The following CREBRF variants were observed in gnomAD, a reference collection of about 807,000 sequenced individuals.
CREBRF encodes UPF0474 protein C5orf41.
A neutral mutation model predicts 66.1 loss-of-function variants in CREBRF; 5 were observed. The observed-to-expected ratio is 0.08, with a 90% CI of 0.04 to 0.16. CREBRF has a LOEUF of 0.16. Among genes scored for constraint, CREBRF ranks in the 10% least tolerant of loss-of-function variants. The pLI, the probability that CREBRF is intolerant of heterozygous loss-of-function variation, is 1.00. For missense variants in CREBRF, 531 were observed against 744.9 expected, an observed-to-expected ratio of 0.71 and a Z score of 3.34; for synonymous variants, 229 against 264.4, an observed-to-expected ratio of 0.87 and a Z score of 1.30.
intron 1 of CREBRF, among the ~76,000 whole-genome samples, chr5:173,063,068 A>T (rs1436770337): frequency 6.6e-6 from 1 of 151,954 alleles, no homozygotes. Flanking sequence ...TCTTGCTAAT[A>T]AGTCTGACTC....
At chr5:173,079,864 A>G (rs1022232759) in intron 1 of CREBRF, among the ~76,000 whole-genome samples, 1 of 152,224 alleles carries the variant, frequency 6.6e-6, no homozygotes, top group African/African-American at 2.4e-5. Context: ...TGGAGAAGGG[A>G]AAAAACACTA....
Position 173,133,700 on chromosome 5 carries a change from C to T in CREBRF, c.1875C>T (p.Pro625=). ...QVLEKTAEGN[P]TGGLVGLRIP... is the part of the protein sequence containing the mutation. Reference sequence around the variant, plus strand: ...TAGAGAAGACTGCAGAAGGGAATCCCACTGGAGGCCTTGTAGGATTAAGGA... The same window carrying T: ...TAGAGAAGACTGCAGAAGGGAATCCTACTGGAGGCCTTGTAGGATTAAGGA... Residue 625 remains proline (P), a synonymous_variant, in exon 9 of 9, where the codon CCC becomes CCT. Transcript: ENST00000296953. The T allele has an allele frequency of 1.2e-6, 2 of 1,612,328 alleles. No homozygotes were observed. The highest frequency in any genetic ancestry group is 2.2e-5 in the South Asian group (2 of 90,948).
At chr5:173,103,716 A>T (rs112706455) in intron 4 of CREBRF, among the ~76,000 whole-genome samples, 2 of 152,344 alleles carry the variant, frequency 1.3e-5, no homozygotes, top group African/African-American at 4.8e-5. Flanking sequence ...TGGACAGGCT[A>T]CAACTGTTTG....
intron 2 of CREBRF, among the ~76,000 whole-genome samples, chr5:173,082,946 A>C (rs1224297857): frequency 6.4e-5 from 8 of 124,738 alleles, no homozygotes; most frequent in Non-Finnish European, 1.2e-4. Flanking sequence ...AAAAAAAAAA[A>C]CCGGGTGCAG....
At chr5:173,095,575 C>T (rs548466981) in intron 4 of CREBRF, among the ~76,000 whole-genome samples, 1 of 152,222 alleles carries the variant, frequency 6.6e-6, no homozygotes, top group Admixed American at 6.5e-5. Context: ...ATAGCTTTGG[C>T]TATTCAGAAT....
intron 7 of CREBRF, among the ~76,000 whole-genome samples, chr5:173,116,768 G>C (rs1758999600): frequency 6.6e-6 from 1 of 152,174 alleles, no homozygotes; most frequent in African/African-American, 2.4e-5. Context: ...TGATTCATAA[G>C]ATAAGTGTAT....
intron 4 of CREBRF, among the ~76,000 whole-genome samples, chr5:173,094,130 C>T (rs1048548070): frequency 3.9e-5 from 6 of 152,198 alleles, no homozygotes; most frequent in South Asian, 2.1e-4. Flanking sequence ...GAATAATATT[C>T]CTGTGTGTGT....
At chr5:173,110,451 T>C (rs548412316) in intron 5 of CREBRF, 71 bp from the exon 6 acceptor site, 2 of 1,080,358 alleles carry the variant, frequency 1.9e-6, no homozygotes, top group African/African-American at 3.1e-5. Context: ...TGGTTAAAAA[T>C]GTGGCCGTGA....
chr5:173,085,366 G>C lies in CREBRF; in HGVS notation c.10-1135G>C, dbSNP rs1378182080. 17 of 1,259,962 alleles carry C rather than the reference G, an allele frequency of 1.3e-5. 1 individual carries two copies. In the South Asian group the frequency reaches 2.1e-4, roughly 15 times the overall value. 78.0% of individuals were successfully genotyped at this position (1,259,962 alleles called of 1,614,324 possible). A position where few individuals can be genotyped will look rare whatever the true frequency, so the allele number is the denominator to read the frequency against. ...CAGCACACACCTGCGGCTCTTCTTCGATCCTGGAGGCTCCAGGGCAGCCAA... is the reference window on the plus strand; with the variant it reads ...CAGCACACACCTGCGGCTCTTCTTCCATCCTGGAGGCTCCAGGGCAGCCAA... On this transcript the variant is annotated intron_variant, in intron 2 of 8. Coordinates refer to ENST00000296953, the MANE Select transcript of CREBRF (RefSeq NM_153607.3).
intron 4 of CREBRF, among the ~76,000 whole-genome samples, chr5:173,106,097 A>C (rs901740242): frequency 1.3e-5 from 2 of 152,170 alleles, no homozygotes; most frequent in Non-Finnish European, 2.9e-5. Flanking sequence ...AGACTTCTAG[A>C]AATGATTGTG....
At position 173,133,979 on chromosome 5, in the gene CREBRF, T is replaced by G; in HGVS notation, c.*234T>G. The G allele has an allele frequency of 3.3e-6, 1 of 304,224 alleles. No homozygotes were observed. The highest frequency in any genetic ancestry group is 6.1e-6 in the Non-Finnish European group (1 of 163,906). 18.8% of individuals were successfully genotyped at this position (304,224 alleles called of 1,614,324 possible). A position where few individuals can be genotyped will look rare whatever the true frequency, so the allele number is the denominator to read the frequency against. The stretch of plus-strand genomic sequence containing the variant: ...ACTGGCATCAGAATTGAAAATCATA[T>G]GTTTAAGTAAATGTTAGGTACAGAT... On this transcript the variant is annotated 3_prime_UTR_variant, in exon 9 of 9. Transcript: ENST00000296953.
intron 1 of CREBRF, 70 bp from the exon 2 acceptor site, chr5:173,080,515 C>G (rs1442837461): frequency 2.5e-5 from 13 of 524,524 alleles, no homozygotes; most frequent in Non-Finnish European, 3.7e-5. Context: ...TTTCAAAAGT[C>G]AACTTTTTTT....
intron 7 of CREBRF, among the ~76,000 whole-genome samples, chr5:173,121,860 A>AT (rs143766179): frequency 0.099 from 15,007 of 151,652 alleles, 1,023 homozygotes; most frequent in African/African-American, 0.15. Context: ...TTTCCTTGCC[A>AT]TTTTTTTTAG....
At chr5:173,112,208 A>C in intron 6 of CREBRF, 98 bp from the exon 7 acceptor site, 1 of 775,628 alleles carries the variant, frequency 1.3e-6, no homozygotes, top group Non-Finnish European at 2.0e-6. Context: ...GTTGGAGAGT[A>C]GCCTGGGCAA....
At chr5:173,082,477 A>G (rs1329482377) in intron 2 of CREBRF, among the ~76,000 whole-genome samples, 1 of 152,140 alleles carries the variant, frequency 6.6e-6, no homozygotes, top group Non-Finnish European at 1.5e-5. Context: ...AATGAAGAAA[A>G]ATACGATGAG....
intron 8 of CREBRF, among the ~76,000 whole-genome samples, chr5:173,128,002 T>A (rs1759313221): frequency 6.6e-6 from 1 of 152,040 alleles, no homozygotes; most frequent in Non-Finnish European, 1.5e-5. Context: ...TTCTACTTTC[T>A]CCCCCCCAAA....
At chr5:173,058,953 G>A (rs1178902980) in intron 1 of CREBRF, among the ~76,000 whole-genome samples, 8 of 151,310 alleles carry the variant, frequency 5.3e-5, no homozygotes, top group Non-Finnish European at 1.2e-4. Flanking sequence ...GTGCCACCAT[G>A]CCTGGCTAAT....
intron 1 of CREBRF, among the ~76,000 whole-genome samples, chr5:173,076,060 A>C (rs1303611004): frequency 4.7e-5 from 1 of 21,484 alleles, no homozygotes; most frequent in Non-Finnish European, 1.2e-4. Flanking sequence ...ATCTCTACAA[A>C]AAAAAAAAAA....
chr5:173,072,479 T>A (rs1187061247), intron 1 of CREBRF, among the ~76,000 whole-genome samples: 1 of 152,092 alleles, frequency 6.6e-6, no homozygotes, highest in Non-Finnish European at 1.5e-5. Flanking sequence ...GGTTTCACCG[T>A]GTTAGCCAGG....
Sources: gnomAD v4.1 joint callset for allele counts (sites outside exome capture counted in the v4.1 genomes callset) on GRCh38, gnomAD v4.1.1 for gene constraint, MANE v1.5 for transcripts, NCBI Gene and HGNC (gene_info 2026-07-23, HGNC 2026-07-21) for gene names.